The following RPS6KA2 variants were observed in gnomAD, a reference collection of about 807,000 sequenced individuals.
RPS6KA2 encodes ribosomal protein S6 kinase alpha-2.
RPS6KA2 carries 42 observed loss-of-function variants against 91.8 expected under a neutral mutation model. The ratio of observed to expected loss-of-function variants is 0.46; its 90% confidence interval spans 0.36 to 0.59. The LOEUF (loss-of-function observed/expected upper bound fraction) is 0.59, where lower values mean the gene tolerates loss of function less well. Among genes scored for constraint, RPS6KA2 ranks in the 20% least tolerant of loss-of-function variants. RPS6KA2 has a pLI of 0.00. For missense variants in RPS6KA2, 798 were observed against 978.5 expected (o/e 0.82, Z 2.46); for synonymous variants, 414 against 393.6 (o/e 1.05, Z -0.61).
chr6:166,671,910 G>T (rs1486280961), intron 2 of RPS6KA2, among the ~76,000 whole-genome samples: 1 of 152,138 alleles, frequency 6.6e-6, no homozygotes, highest in Non-Finnish European at 1.5e-5. Flanking sequence ...GTTCAGATTC[G>T]CAGGAGGACA....
intron 3 of RPS6KA2, among the ~76,000 whole-genome samples, chr6:166,518,382 C>T (rs556293672): frequency 4.6e-4 from 69 of 149,616 alleles, no homozygotes; most frequent in African/African-American, 1.6e-3. Context: ...AACATAGTTA[C>T]AAAATATTTA....
chr6:166,413,048 G>A (rs1778367603), intron 20 of RPS6KA2, among the ~76,000 whole-genome samples, 161 bp from the exon 21 acceptor site: 3 of 152,114 alleles, frequency 2.0e-5, no homozygotes, highest in African/African-American at 7.2e-5. Context: ...CCTGCCGCCA[G>A]GGGCCAGCAC....
exon 1 of RPS6KA2, chr6:166,862,245 G>A (rs762007806): frequency 1.8e-5 from 29 of 1,607,686 alleles, no homozygotes; most frequent in Non-Finnish European, 2.5e-5. Flanking sequence ...GACCGGCACA[G>A]GGGGACGGCC....
At chr6:166,545,238 G>A (rs1336650357) in intron 1 of RPS6KA2, among the ~76,000 whole-genome samples, 2 of 152,198 alleles carry the variant, frequency 1.3e-5, no homozygotes, top group African/African-American at 4.8e-5. Flanking sequence ...CAGAATCCGC[G>A]GAGGGAAAGC....
At chr6:166,618,584 G>A (rs1786501859) in intron 1 of RPS6KA2, among the ~76,000 whole-genome samples, 1 of 152,222 alleles carries the variant, frequency 6.6e-6, no homozygotes, top group Non-Finnish European at 1.5e-5. Context: ...AGGCTCACAG[G>A]CAGTGAGAGG....
intron 2 of RPS6KA2, among the ~76,000 whole-genome samples, chr6:166,532,844 A>AGAGAGAGAGT (rs573257516): frequency 6.7e-6 from 1 of 149,480 alleles, no homozygotes; most frequent in African/African-American, 2.5e-5. Flanking sequence ...AGAGAGAGAG[A>AGAGAGAGAGT]GTGTGTGTGT....
At chr6:166,518,517 T>C (rs531837127) in intron 3 of RPS6KA2, among the ~76,000 whole-genome samples, 1 of 152,222 alleles carries the variant, frequency 6.6e-6, no homozygotes, top group African/African-American at 2.4e-5. Flanking sequence ...TCATTATGCT[T>C]ATAATAATAA....
At chr6:166,826,568 CTG>C (rs1486217576) in intron 2 of RPS6KA2, among the ~76,000 whole-genome samples, 5 of 152,212 alleles carry the variant, frequency 3.3e-5, no homozygotes, top group African/African-American at 1.2e-4. Context: ...GGGTAAATCA[CTG>C]TTACAAAAGA....
intron 14 of RPS6KA2, among the ~76,000 whole-genome samples, chr6:166,432,747 T>C (rs1482711219): frequency 6.6e-6 from 1 of 152,042 alleles, no homozygotes; most frequent in Non-Finnish European, 1.5e-5. Flanking sequence ...TCCCAGCACT[T>C]TGGGAGGCCG....
chr6:166,521,256 C>T (rs1782845289), intron 3 of RPS6KA2, among the ~76,000 whole-genome samples: 1 of 152,228 alleles, frequency 6.6e-6, no homozygotes, highest in Non-Finnish European at 1.5e-5. Context: ...TCCAACTACA[C>T]TGGATTGGGT....
intron 14 of RPS6KA2, among the ~76,000 whole-genome samples, chr6:166,439,165 T>C (rs755400233): frequency 2.6e-5 from 4 of 152,186 alleles, no homozygotes; most frequent in African/African-American, 4.8e-5. Context: ...CTGGAGTGCA[T>C]GGCACAATCT....
chr6:166,586,650 T>G (rs1310963760), intron 1 of RPS6KA2, among the ~76,000 whole-genome samples: 3 of 124,530 alleles, frequency 2.4e-5, no homozygotes. Context: ...CCACTCCAGT[T>G]CTCCAATGTA....
intron 16 of RPS6KA2, among the ~76,000 whole-genome samples, chr6:166,425,134 G>A (rs113012144): frequency 0.021 from 3,153 of 152,246 alleles, 56 homozygotes; most frequent in Non-Finnish European, 0.032. Context: ...TATAACAAAT[G>A]TTCCTAACTA....
intron 2 of RPS6KA2, among the ~76,000 whole-genome samples, chr6:166,807,358 T>C (rs1779518052): frequency 6.6e-6 from 1 of 152,212 alleles, no homozygotes; most frequent in African/African-American, 2.4e-5. Context: ...TCCTGTTGAC[T>C]CTGCCTTCCA....
intron 10 of RPS6KA2, among the ~76,000 whole-genome samples, chr6:166,470,409 G>A (rs1780720772): frequency 6.6e-6 from 1 of 152,220 alleles, no homozygotes; most frequent in Non-Finnish European, 1.5e-5. Context: ...CCAGCCTCCT[G>A]CCCACACCTG....
rs920068188 is a variant in RPS6KA2, at chr6:166,531,161, T to C, written c.298+71A>G. The C allele has an allele frequency of 3.0e-6, 3 of 999,240 alleles. No homozygotes were observed. In the African/African-American group the frequency reaches 4.8e-5, roughly 16 times the overall value. The allele number at this position is 999,240 out of a possible 1,614,324, so 61.9% of individuals were successfully genotyped here. ...TCGTGAACATTAAATGGAATGAATA[T>C]TTCCTCAAATAACGGAGTAGAAATT... On this transcript the variant is annotated intron_variant, in intron 3 of 20. Transcript: ENST00000265678.
intron 2 of RPS6KA2, among the ~76,000 whole-genome samples, chr6:166,725,931 G>T (rs1343840501): frequency 6.6e-6 from 1 of 152,224 alleles, no homozygotes; most frequent in Non-Finnish European, 1.5e-5. Flanking sequence ...AGCTCACAGA[G>T]GCAGCTTTTG....
In RPS6KA2 at chr6:166,706,546, G is replaced by A. The variant is rs768847767; in HGVS notation, c.123+151654C>T. 6.4e-4 allele frequency among the ~76,000 whole-genome samples: 98 copies of A among 152,342 alleles called. 4 individuals are homozygous for A. Among genetic ancestry groups the A allele is most frequent in the Admixed American group, 2.0e-4 (3 of 15,298 alleles). On this transcript the variant is annotated intron_variant, in intron 2 of 21. Coordinates refer to the RPS6KA2 transcript ENST00000503859. Reference sequence around the variant, plus strand: ...AAGCGTCCCCTGCCGTGACTGCATGGAGAACACTTGAGCAGTCATGAAGAT... The same window carrying A: ...AAGCGTCCCCTGCCGTGACTGCATGAAGAACACTTGAGCAGTCATGAAGAT...
chr6:166,468,386 T>C (rs992996107), intron 11 of RPS6KA2, among the ~76,000 whole-genome samples: 1 of 152,124 alleles, frequency 6.6e-6, no homozygotes, highest in Non-Finnish European at 1.5e-5. Flanking sequence ...TAAAACTAGG[T>C]TTTAAAAAGT....
Sources: allele counts gnomAD v4.1 joint callset (sites outside exome capture counted in the v4.1 genomes callset), GRCh38; gene constraint gnomAD v4.1.1; transcripts MANE v1.5; gene names NCBI Gene and HGNC (gene_info 2026-07-23, HGNC 2026-07-21).